Variants in GDAP2 observed in about 807,000 individuals in gnomAD.
GDAP2 encodes the protein ganglioside-induced differentiation-associated protein 2.
GDAP2 carries 51 observed loss-of-function variants against 67.0 expected under a neutral mutation model. The ratio of observed to expected loss-of-function variants is 0.76; its 90% CI spans 0.61 to 0.96. The LOEUF (loss-of-function observed/expected upper bound fraction) is 0.96, where lower values mean the gene tolerates loss of function less well. GDAP2 is among the 40% of genes least tolerant of loss of function. GDAP2 has a pLI of 0.00. For synonymous variants in GDAP2, 203 were observed against 207.3 expected (o/e 0.98, Z 0.18); for missense variants, 547 against 588.3 (o/e 0.93, Z 0.73).
At chr1:117,901,796 C>G (rs980509933) in intron 6 of GDAP2, among the ~76,000 whole-genome samples, 7 of 152,204 alleles carry the variant, frequency 4.6e-5, no homozygotes, top group Admixed American at 3.9e-4. Context: ...AACAGCACAT[C>G]TTGCATATGC....
At chr1:117,923,058 G>A (rs777211771) in intron 1 of GDAP2, among the ~76,000 whole-genome samples, 1 of 152,122 alleles carries the variant, frequency 6.6e-6, no homozygotes, top group Non-Finnish European at 1.5e-5. Flanking sequence ...TCCGTTTTTG[G>A]TAATAAGAGA....
intron 2 of GDAP2, among the ~76,000 whole-genome samples, chr1:117,919,288 G>A (rs1273225677): frequency 1.3e-5 from 2 of 151,676 alleles, no homozygotes; most frequent in African/African-American, 4.8e-5. Flanking sequence ...GCAGGAGAAT[G>A]GTGTGAACCT....
intron 1 of GDAP2, among the ~76,000 whole-genome samples, chr1:117,922,710 T>A (rs1557811818): frequency 6.6e-6 from 1 of 152,112 alleles, no homozygotes; most frequent in Non-Finnish European, 1.5e-5. Context: ...GTCACAGAGA[T>A]CACATGCTTC....
intron 5 of GDAP2, among the ~76,000 whole-genome samples, chr1:117,911,182 T>C (rs1649844030): frequency 6.6e-6 from 1 of 152,196 alleles, no homozygotes; most frequent in Non-Finnish European, 1.5e-5. Flanking sequence ...CACAGAAATA[T>C]ATATAAAACT....
At chr1:117,906,642 A>C in intron 5 of GDAP2, 60 bp from the exon 6 acceptor site, 1 of 883,168 alleles carries the variant, frequency 1.1e-6, no homozygotes, top group Admixed American at 2.1e-5. Flanking sequence ...CATAAAGAAA[A>C]ATCAAGCTCT....
At chr1:117,888,016 CAAATGAAGGTTGTACAGGT>C (rs1251009461) in intron 8 of GDAP2, among the ~76,000 whole-genome samples, 1 of 152,066 alleles carries the variant, frequency 6.6e-6, no homozygotes, top group Admixed American at 6.6e-5. Flanking sequence ...TCCTTATAAT[CAAATGAAGGTTGTACAGGT>C]AAATGGCTAA....
chr1:117,911,372 C>T (rs1005928985), intron 5 of GDAP2, among the ~76,000 whole-genome samples: 1 of 152,086 alleles, frequency 6.6e-6, no homozygotes, highest in African/African-American at 2.4e-5. Flanking sequence ...TTTAAACTGC[C>T]AAGTGTTATA....
intron 7 of GDAP2, among the ~76,000 whole-genome samples, chr1:117,897,337 A>C (rs1649298964): frequency 6.6e-6 from 1 of 152,224 alleles, no homozygotes; most frequent in African/African-American, 2.4e-5. Flanking sequence ...CTGACAAAAA[A>C]GAAGTATAAA....
intron 10 of GDAP2, among the ~76,000 whole-genome samples, chr1:117,884,048 A>G (rs1169893381): frequency 6.6e-6 from 1 of 152,140 alleles, no homozygotes; most frequent in African/African-American, 2.4e-5. Context: ...AATTCAATCA[A>G]AGTCTTTGCA....
At chr1:117,880,008 T>C (rs1220205626) in intron 12 of GDAP2, among the ~76,000 whole-genome samples, 1 of 151,978 alleles carries the variant, frequency 6.6e-6, no homozygotes, top group Admixed American at 6.6e-5. Context: ...CAAGACCCCA[T>C]CTCTATAAAA....
At chr1:117,928,760 T>A (rs1308336189) in intron 1 of GDAP2, among the ~76,000 whole-genome samples, 2 of 152,202 alleles carry the variant, frequency 1.3e-5, no homozygotes, top group Non-Finnish European at 2.9e-5. Context: ...GCCGGCAGGA[T>A]CTTCTTTTGT....
At chr1:117,879,587 T>C (rs1174903824) in intron 12 of GDAP2, among the ~76,000 whole-genome samples, 1 of 152,320 alleles carries the variant, frequency 6.6e-6, no homozygotes, top group Non-Finnish European at 1.5e-5. Flanking sequence ...ACTCATTTCA[T>C]CTTTCAATAA....
chr1:117,914,460 A>G (rs1649976688), intron 3 of GDAP2, among the ~76,000 whole-genome samples: 1 of 152,150 alleles, frequency 6.6e-6, no homozygotes, highest in Admixed American at 6.5e-5. Flanking sequence ...GAAGAATTAA[A>G]CAAGAAAATA....
intron 6 of GDAP2, among the ~76,000 whole-genome samples, chr1:117,904,471 A>G (rs1470021598): frequency 6.6e-6 from 1 of 152,206 alleles, no homozygotes; most frequent in Non-Finnish European, 1.5e-5. Context: ...AATGTCTAAT[A>G]CCTCTACTAA....
intron 9 of GDAP2, 49 bp downstream of exon 9, chr1:117,887,649 T>C (rs770543780): frequency 1.7e-5 from 15 of 888,088 alleles, no homozygotes; most frequent in Non-Finnish European, 2.3e-5. Flanking sequence ...GCATGCTTGG[T>C]AGGGCTCTTA....
At position 117,878,093 on chromosome 1, in the gene GDAP2, A is replaced by G. The variant is rs373956327; in HGVS notation, c.1362T>C (p.His454=). 1.3e-5 allele frequency: 21 copies of G among 1,612,616 alleles called. No homozygotes were observed. In the African/African-American group the frequency reaches 1.3e-4, roughly 10 times the overall value. Residue 454 remains histidine (H), a synonymous_variant, in exon 13 of 14, where the codon CAT becomes CAC. Coordinates refer to ENST00000369443, the MANE Select transcript of GDAP2 (RefSeq NM_017686.4). ...SVSGLKDKIH[H]VDSLHQLFSA... ...AAAACAGCTGGTGGAGGCTGTCCAC[A>G]TGGTGGATTTTGTCCTTCAGTCCTG... is the stretch of plus-strand genomic sequence containing the variant.
chr1:117,885,724 A>G (rs771938913), intron 10 of GDAP2, among the ~76,000 whole-genome samples: 4 of 152,136 alleles, frequency 2.6e-5, no homozygotes, highest in Non-Finnish European at 5.9e-5. Flanking sequence ...GGTTTATCTT[A>G]AATTCTGTGT....
At chr1:117,915,707 T>C (rs1380334120) in intron 3 of GDAP2, among the ~76,000 whole-genome samples, 1 of 152,216 alleles carries the variant, frequency 6.6e-6, no homozygotes, top group East Asian at 1.9e-4. Flanking sequence ...ATAGGTTTAG[T>C]TTCATAAAAT....
At chr1:117,878,970 C>T (rs1213895242) in intron 12 of GDAP2, among the ~76,000 whole-genome samples, 1 of 152,150 alleles carries the variant, frequency 6.6e-6, no homozygotes, top group Non-Finnish European at 1.5e-5. Flanking sequence ...CAGGAAATAG[C>T]AAACTTTTTT....
Sources: allele counts gnomAD v4.1 joint callset (sites outside exome capture counted in the v4.1 genomes callset), GRCh38; gene constraint gnomAD v4.1.1; transcripts MANE v1.5; gene names NCBI Gene and HGNC (gene_info 2026-07-23, HGNC 2026-07-21).